Variants in FAM227B observed in about 807,000 individuals in gnomAD.
FAM227B encodes protein FAM227B.
A neutral mutation model predicts 73.8 loss-of-function variants in FAM227B; 88 were observed. The observed-to-expected ratio is 1.19, with a 90% CI of 1.00 to 1.42. The LOEUF (loss-of-function observed/expected upper bound fraction) is 1.42, where lower values mean the gene tolerates loss of function less well. Ranked by LOEUF, FAM227B falls within the 40% of genes most tolerant of loss-of-function variation. FAM227B has a pLI of 0.00. For missense variants in FAM227B, 632 were observed against 590.9 expected, an observed-to-expected ratio of 1.07 and a Z score of -0.72; for synonymous variants, 210 against 190.5, an observed-to-expected ratio of 1.10 and a Z score of -0.84.
chr15:49,581,004 A>G (rs1016729017), intron 5 of FAM227B, among the ~76,000 whole-genome samples: 2 of 152,352 alleles, frequency 1.3e-5, no homozygotes, highest in Admixed American at 1.3e-4. Context: ...TACACTCACT[A>G]GAGTTCCTGA....
intron 11 of FAM227B, among the ~76,000 whole-genome samples, chr15:49,407,592 C>T (rs997249004): frequency 6.7e-6 from 1 of 149,778 alleles, no homozygotes; most frequent in Non-Finnish European, 1.5e-5. Flanking sequence ...TTTCTTTACT[C>T]TCCGCTGTTT....
At chr15:49,470,616 C>T (rs2054653113) in intron 11 of FAM227B, among the ~76,000 whole-genome samples, 1 of 152,164 alleles carries the variant, frequency 6.6e-6, no homozygotes, top group Non-Finnish European at 1.5e-5. Context: ...TTTGACTTCT[C>T]TAACTTCTTT....
At chr15:49,553,234 CCAGG>C (rs1450239946) in intron 9 of FAM227B, among the ~76,000 whole-genome samples, 2 of 152,148 alleles carry the variant, frequency 1.3e-5, no homozygotes, top group African/African-American at 2.4e-5. Flanking sequence ...CTCTGAATTA[CCAGG>C]CAGAGACTTT....
chr15:49,512,537 C>T (rs781593157), intron 10 of FAM227B, among the ~76,000 whole-genome samples: 4 of 151,990 alleles, frequency 2.6e-5, no homozygotes, highest in South Asian at 2.1e-4. Flanking sequence ...TAGATTCATA[C>T]GAATTCTTCG....
chr15:49,327,962 G>A lies in FAM227B; in HGVS notation c.*606C>T, dbSNP rs1174558812. The stretch of plus-strand genomic sequence containing the variant: ...TCCTCACTGTTTTAGGAAGTTTGGG[G>A]CTCAAGGGTCACGACTTACTGGAGC... On this transcript the variant is annotated 3_prime_UTR_variant, in exon 16 of 16. Transcript: ENST00000299338. The A allele has an allele frequency of 6.2e-7, 1 of 1,611,534 alleles. No homozygotes were observed. Among genetic ancestry groups the A allele is most frequent in the Non-Finnish European group, 8.5e-7 (1 of 1,178,498 alleles).
intron 11 of FAM227B, among the ~76,000 whole-genome samples, chr15:49,443,838 T>G (rs1395870893): frequency 2.0e-5 from 3 of 151,762 alleles, no homozygotes; most frequent in African/African-American, 7.2e-5. Flanking sequence ...ATTATTTATA[T>G]GCTTGTGTGC....
intron 9 of FAM227B, among the ~76,000 whole-genome samples, chr15:49,549,979 C>CT (rs1567553006): frequency 9.5e-6 from 1 of 104,746 alleles, no homozygotes; most frequent in Non-Finnish European, 2.5e-5. Flanking sequence ...CCCCACCTCC[C>CT]TCCCAGACGG....
intron 11 of FAM227B, chr15:49,483,052 A>G (rs1456402888): frequency 7.9e-6 from 6 of 762,614 alleles, no homozygotes; most frequent in Admixed American, 1.8e-5. Context: ...AAAATTTTAA[A>G]AACTTCCGAT....
At chr15:49,520,211 C>G (rs1009133816) in intron 10 of FAM227B, among the ~76,000 whole-genome samples, 3 of 152,164 alleles carry the variant, frequency 2.0e-5, no homozygotes, top group Admixed American at 1.3e-4. Context: ...ACTTTATTGT[C>G]CATATCACTA....
At chr15:49,481,684 T>C (rs2055960607) in intron 11 of FAM227B, among the ~76,000 whole-genome samples, 1 of 152,216 alleles carries the variant, frequency 6.6e-6, no homozygotes, top group Non-Finnish European at 1.5e-5. Context: ...GGGCTGTTTT[T>C]CTTAATTTGT....
At chr15:49,533,826 C>T (rs923608966) in intron 10 of FAM227B, among the ~76,000 whole-genome samples, 42 of 151,784 alleles carry the variant, frequency 2.8e-4, no homozygotes, top group African/African-American at 9.9e-4. Context: ...CCATTCAGCC[C>T]CTCTCTATCT....
In FAM227B at chr15:49,568,256, C is replaced by T. The variant is rs1164741857; in HGVS notation, c.736G>A (p.Ala246Thr). The change falls in exon 9 of 16, where the codon GCA becomes ACA. Residue 246 changes from alanine to threonine, a missense_variant. Transcript: ENST00000299338. ...FMSIPLSRKD[A>T]FFQIYPDCLA... The stretch of plus-strand genomic sequence containing the variant: ...ATTTCAATGCTTACCTGAAAAAATG[C>T]ATCCTTTCGACTTAGAGGTATGCTC... 6.2e-7 allele frequency: 1 copy of T among 1,604,406 alleles called. No individual in the cohort carries two copies. The highest frequency in any genetic ancestry group is 1.1e-5 in the South Asian group (1 of 89,146).
At position 49,385,612 on chromosome 15, in the gene FAM227B, AC is replaced by A; in HGVS notation, c.1013-14214del. Among the ~76,000 whole-genome samples, 3 of 149,970 alleles carry A rather than the reference AC, an allele frequency of 2.0e-5. No homozygotes were observed. The East Asian group carries it at 5.9e-4, about 29-fold the overall frequency. Reference sequence around the variant, plus strand: ...CAGTAACACAATGAAAAAAAAAAAAACTAGGTAATAACATGATGAAGAGAAC... The same window carrying A: ...CAGTAACACAATGAAAAAAAAAAAAATAGGTAATAACATGATGAAGAGAAC... On this transcript the variant is annotated intron_variant, in intron 11 of 15. Coordinates refer to ENST00000299338, the MANE Select transcript of FAM227B (RefSeq NM_152647.3).
chr15:49,589,960 T>A lies in FAM227B; in HGVS notation c.153A>T (p.Ser51=), dbSNP rs144645849. 6.2e-7 allele frequency: 1 copy of A among 1,608,444 alleles called. No homozygotes were observed. The highest frequency in any genetic ancestry group is 2.2e-5 in the East Asian group (1 of 44,778). Residue 51 remains serine, a synonymous_variant, in exon 4 of 16, where the codon TCA becomes TCT. Coordinates refer to ENST00000299338, the MANE Select transcript of FAM227B (RefSeq NM_152647.3). ...CTTCTTTTATTTTTTTCAGAGTGCA[T>A]GACCATTTATCATCATCTCTAAAAT... ...EIHFRDDDKW[S]CTLKKIKEDS...
intron 11 of FAM227B, among the ~76,000 whole-genome samples, chr15:49,500,326 C>T (rs1567412948): frequency 1.3e-5 from 2 of 152,258 alleles, no homozygotes; most frequent in South Asian, 2.1e-4. Flanking sequence ...TCAGCAGGCA[C>T]TCAATAACCT....
At chr15:49,600,911 G>A (rs1410508392) in intron 3 of FAM227B, among the ~76,000 whole-genome samples, 2 of 150,664 alleles carry the variant, frequency 1.3e-5, no homozygotes, top group South Asian at 2.1e-4. Flanking sequence ...GTGTGGTGGT[G>A]TGCGCCTGTA....
intron 9 of FAM227B, among the ~76,000 whole-genome samples, chr15:49,552,910 C>G (rs1469071051): frequency 1.3e-5 from 2 of 152,138 alleles, no homozygotes; most frequent in Non-Finnish European, 2.9e-5. Context: ...CTCAACACAG[C>G]TATTTTTAAG....
At chr15:49,347,051 C>T (rs2041610084) in intron 13 of FAM227B, among the ~76,000 whole-genome samples, 1 of 152,198 alleles carries the variant, frequency 6.6e-6, no homozygotes, top group Non-Finnish European at 1.5e-5. Flanking sequence ...TACCCAGATT[C>T]TAAATGGCCT....
intron 13 of FAM227B, among the ~76,000 whole-genome samples, chr15:49,351,216 T>C (rs80176824): frequency 0.039 from 6,010 of 152,298 alleles, 330 homozygotes; most frequent in African/African-American, 0.11. Context: ...TGTGCTTCTA[T>C]ACAAATAAAA....
Sources: gnomAD v4.1 joint callset for allele counts (sites outside exome capture counted in the v4.1 genomes callset) on GRCh38, gnomAD v4.1.1 for gene constraint, MANE v1.5 for transcripts, NCBI Gene and HGNC (gene_info 2026-07-23, HGNC 2026-07-21) for gene names.